The following ERBB4 variants were observed in gnomAD, a reference collection of about 807,000 sequenced individuals.
ERBB4 encodes erb-b2 receptor tyrosine kinase 4, also known as receptor tyrosine-protein kinase erbB-4.
ERBB4 carries 42 observed loss-of-function variants against 158.0 expected under a neutral mutation model. The ratio of observed to expected loss-of-function variants is 0.27; its 90% CI spans 0.21 to 0.34. The LOEUF is 0.34. ERBB4 is among the 10% of genes least tolerant of loss of function. The pLI, the probability that ERBB4 is intolerant of heterozygous loss-of-function variation, is 1.00. For missense variants in ERBB4, 1,333 were observed against 1,624.1 expected, an observed-to-expected ratio of 0.82 and a Z score of 3.08; for synonymous variants, 583 against 558.7, an observed-to-expected ratio of 1.04 and a Z score of -0.61.
At chr2:211,829,122 T>G (rs1319871774) in intron 3 of ERBB4, among the ~76,000 whole-genome samples, 1 of 152,196 alleles carries the variant, frequency 6.6e-6, no homozygotes, top group Non-Finnish European at 1.5e-5. Context: ...ACTAATTACC[T>G]GTCAGCTTAA....
intron 24 of ERBB4, 44 bp from the exon 25 acceptor site, chr2:211,420,655 T>C: frequency 2.6e-5 from 39 of 1,484,600 alleles, no homozygotes; most frequent in Non-Finnish European, 3.7e-5. Flanking sequence ...GATTCTTTCT[T>C]ATCTTAAATA....
intron 25 of ERBB4, among the ~76,000 whole-genome samples, chr2:211,419,556 C>T (rs16846111): frequency 0.037 from 5,611 of 152,060 alleles, 251 homozygotes; most frequent in African/African-American, 0.11. Flanking sequence ...ATGGAAGAAA[C>T]TGATTACAGA....
chr2:212,019,175 G>T (rs757517447), intron 2 of ERBB4, among the ~76,000 whole-genome samples: 1 of 152,094 alleles, frequency 6.6e-6, no homozygotes, highest in Non-Finnish European at 1.5e-5. Context: ...AGCAAAGCAG[G>T]TTTCTTTACA....
intron 1 of ERBB4, among the ~76,000 whole-genome samples, chr2:212,135,278 A>T (rs999066069): frequency 2.6e-5 from 4 of 152,184 alleles, no homozygotes; most frequent in South Asian, 4.1e-4. Context: ...AACTAAAAAA[A>T]CTGATGTACC....
chr2:211,884,295 T>C (rs2078738567), intron 3 of ERBB4, among the ~76,000 whole-genome samples: 1 of 152,182 alleles, frequency 6.6e-6, no homozygotes, highest in African/African-American at 2.4e-5. Context: ...TTTCTCTAGT[T>C]TTAATATTGA....
At chr2:212,354,914 A>G (rs1016848089) in intron 1 of ERBB4, among the ~76,000 whole-genome samples, 13 of 151,932 alleles carry the variant, frequency 8.6e-5, no homozygotes, top group Non-Finnish European at 2.9e-5. Flanking sequence ...TATATTAAAT[A>G]CAGATACTCG....
At chr2:211,825,850 TTATTA>T (rs541334182) in intron 3 of ERBB4, among the ~76,000 whole-genome samples, 258 of 147,540 alleles carry the variant, frequency 1.7e-3, no homozygotes, top group African/African-American at 5.6e-3. Context: ...ACACTATATT[TTATTA>T]TATTATATTA....
chr2:211,614,303 A>G (rs1013174307), intron 19 of ERBB4, among the ~76,000 whole-genome samples: 3 of 151,974 alleles, frequency 2.0e-5, no homozygotes, highest in Non-Finnish European at 2.9e-5. Context: ...GGATGGTTAA[A>G]TAAAATAAAA....
At chr2:211,897,265 C>G (rs1397860607) in intron 3 of ERBB4, among the ~76,000 whole-genome samples, 1 of 151,820 alleles carries the variant, frequency 6.6e-6, no homozygotes, top group Non-Finnish European at 1.5e-5. Flanking sequence ...AAAGTGTGCT[C>G]TTATTTATCT....
chr2:211,573,455 G>A (rs1044945924), intron 19 of ERBB4, among the ~76,000 whole-genome samples: 7 of 152,152 alleles, frequency 4.6e-5, no homozygotes, highest in Middle Eastern at 3.2e-3. Flanking sequence ...CAGATCACGA[G>A]GTCAGGAGAT....
intron 1 of ERBB4, among the ~76,000 whole-genome samples, chr2:212,287,411 A>G (rs1289674473): frequency 1.3e-5 from 2 of 152,152 alleles, no homozygotes; most frequent in African/African-American, 2.4e-5. Context: ...TGTCACAAAC[A>G]GTAGTAGCCA....
At chr2:211,885,263 C>A (rs917074896) in intron 3 of ERBB4, among the ~76,000 whole-genome samples, 1 of 151,862 alleles carries the variant, frequency 6.6e-6, no homozygotes, top group Admixed American at 6.6e-5. Flanking sequence ...TAGAGAGAGG[C>A]CAAAAGGTTA....
intron 22 of ERBB4, among the ~76,000 whole-genome samples, chr2:211,426,125 A>AATAAACAAACAGCAACATAC (rs59567054): frequency 2.5e-4 from 38 of 152,042 alleles, no homozygotes; most frequent in African/African-American, 8.0e-4. Flanking sequence ...TAGAAAATAT[A>AATAAACAAACAGCAACATAC]AAATACAAAA....
intron 1 of ERBB4, among the ~76,000 whole-genome samples, chr2:212,335,886 T>G (rs1224710477): frequency 6.6e-6 from 1 of 151,976 alleles, no homozygotes; most frequent in Admixed American, 6.6e-5. Flanking sequence ...CACTGTTAAT[T>G]TTTTTGAAAA....
chr2:212,206,589 C>CTTTTTTGTTTTTTTTTTTTTTT (rs2082755476), intron 1 of ERBB4, among the ~76,000 whole-genome samples: 1 of 116,450 alleles, frequency 8.6e-6, no homozygotes, highest in Non-Finnish European at 1.8e-5. Flanking sequence ...CTGTTCTGTT[C>CTTTTTTGTTTTTTTTTTTTTTT]TTTTTTTTTT....
chr2:211,395,534 C>T (rs746529302), intron 25 of ERBB4, among the ~76,000 whole-genome samples: 58 of 152,092 alleles, frequency 3.8e-4, no homozygotes, highest in Non-Finnish European at 8.0e-4. Context: ...TAGCTGAAAG[C>T]ATTGGCCTTA....
chr2:211,740,368 A>T (rs1266970434), intron 5 of ERBB4, among the ~76,000 whole-genome samples: 1 of 152,106 alleles, frequency 6.6e-6, no homozygotes, highest in East Asian at 1.9e-4. Context: ...TAATGGAGAG[A>T]TGCAGCCATG....
chr2:211,983,156 A>C (rs1158176025), intron 2 of ERBB4, among the ~76,000 whole-genome samples: 2 of 152,214 alleles, frequency 1.3e-5, no homozygotes, highest in African/African-American at 4.8e-5. Context: ...GAAGGTGGAA[A>C]GAATTTATGT....
At chr2:212,281,589 A>C (rs2085761381) in intron 1 of ERBB4, among the ~76,000 whole-genome samples, 1 of 151,756 alleles carries the variant, frequency 6.6e-6, no homozygotes, top group Admixed American at 6.6e-5. Flanking sequence ...GGTTTCTTTC[A>C]GTTCTTTCCA....
Sources: allele counts gnomAD v4.1 joint callset (sites outside exome capture counted in the v4.1 genomes callset), GRCh38; gene constraint gnomAD v4.1.1; transcripts MANE v1.5; gene names NCBI Gene and HGNC (gene_info 2026-07-23, HGNC 2026-07-21).